Variants in TMPRSS6 observed in about 807,000 individuals in gnomAD.
TMPRSS6 encodes the protein transmembrane serine protease 6.
A neutral mutation model predicts 101.5 loss-of-function variants in TMPRSS6; 67 were observed. The ratio of observed to expected loss-of-function variants is 0.66; its 90% CI spans 0.54 to 0.81. TMPRSS6 has a LOEUF of 0.81. Among genes scored for constraint, TMPRSS6 ranks in the 30% least tolerant of loss-of-function variants. The probability of loss-of-function intolerance (pLI) is 0.00; values close to 1 mark genes in which losing one functional copy is unlikely to be tolerated. For missense variants in TMPRSS6, 1,034 were observed against 1,088.7 expected (o/e 0.95, Z 0.71); for synonymous variants, 453 against 464.9 (o/e 0.97, Z 0.33).
chr22:37,074,475 G>A, intron 12 of TMPRSS6, 135 bp downstream of exon 12: 1 of 855,038 alleles, frequency 1.2e-6, no homozygotes, highest in Non-Finnish European at 1.9e-6. Flanking sequence ...GGCACAGTGA[G>A]AGAACCCCAC....
In TMPRSS6 at chr22:37,070,890, G is replaced by A. The variant is rs111813777; in HGVS notation, c.1672+26C>T. Reference sequence around the variant, plus strand: ...GCACCCCCTCCCTCCCAAGCTCCAGGGCCCCGGCAGCCAGGCAGGGCTCAC... The same window carrying A: ...GCACCCCCTCCCTCCCAAGCTCCAGAGCCCCGGCAGCCAGGCAGGGCTCAC... On this transcript the variant is annotated intron_variant, in intron 14 of 17. Coordinates refer to ENST00000676104, the MANE Select transcript of TMPRSS6 (RefSeq NM_001374504.1). 4.2e-3 allele frequency: 6,702 copies of A among 1,607,050 alleles called. 210 individuals carry two copies. The African/African-American group carries it at 0.069, about 17-fold the overall frequency.
chr22:37,110,134 G>A (rs1213304832), upstream of TMPRSS6, among the ~76,000 whole-genome samples: 1 of 139,052 alleles, frequency 7.2e-6, no homozygotes, highest in Non-Finnish European at 1.5e-5. Context: ...TTCCTACCTC[G>A]TTCTTTTTTT....
chr22:37,086,485 A>G (rs1275759307), intron 7 of TMPRSS6, 66 bp from the exon 8 acceptor site: 41 of 1,271,818 alleles, frequency 3.2e-5, no homozygotes, highest in Non-Finnish European at 4.4e-5. Context: ...GGAGGGCGGC[A>G]GGCGGCTGCT....
At position 37,095,922 on chromosome 22, in the gene TMPRSS6, C is replaced by T. The variant is rs1260556794; in HGVS notation, c.573G>A (p.Glu191=). 2 of 1,614,126 alleles carry T rather than the reference C, an allele frequency of 1.2e-6. No individual in the cohort carries two copies. Among genetic ancestry groups the T allele is most frequent in the Non-Finnish European group, 1.7e-6 (2 of 1,180,000 alleles). ...AGTACTGACCCAGGATCACTAGGCC[C>T]TCGGGGTCCACTTCGTACTCGGCCC... ...PYRAEYEVDP[E]GLVILEASVK... Residue 191 remains glutamate, a synonymous_variant, in exon 5 of 18, where the codon GAG becomes GAA. Coordinates refer to ENST00000676104, the MANE Select transcript of TMPRSS6 (RefSeq NM_001374504.1).
In TMPRSS6 at chr22:37,069,864, C is replaced by G. The variant is rs564110343; in HGVS notation, c.1842-520G>C. 6.6e-6 allele frequency among the ~76,000 whole-genome samples: 1 copy of G among 152,278 alleles called. No individual in the cohort carries two copies. The highest frequency in any genetic ancestry group is 2.1e-4 in the South Asian group (1 of 4,822). The stretch of plus-strand genomic sequence containing the variant: ...TGGGCAGCCTTCGGGTCTCTACCCT[C>G]TACCTGAGGGCAGTGGGGAGCCTGA... On this transcript the variant is annotated intron_variant, in intron 15 of 17. Transcript: ENST00000676104. The surrounding 1 kb of genome is among the most constrained non-coding windows in gnomAD (Gnocchi z 4.8).
chr22:37,089,126 G>A (rs1195280061), intron 7 of TMPRSS6, among the ~76,000 whole-genome samples: 4 of 152,126 alleles, frequency 2.6e-5, no homozygotes, highest in African/African-American at 9.7e-5. Flanking sequence ...AGGCACGAGG[G>A]CCCGGCAGTG....
intron 13 of TMPRSS6, among the ~76,000 whole-genome samples, chr22:37,071,968 TGATGGATG>T (rs533682418): frequency 6.2e-5 from 9 of 145,232 alleles, no homozygotes; most frequent in Non-Finnish European, 9.0e-5. Flanking sequence ...GATGGATGGA[TGATGGATG>T]GATGGATGGA....
rs780878199 is a variant in TMPRSS6, at chr22:37,103,491, G to A, written c.-1-73C>T. ...GGAGCCTCTGCTGAGCACCGGTGGG[G>A]CACGGAAGCAGGACTTCCCTGCCTT... On this transcript the variant is annotated intron_variant, in intron 1 of 17. Coordinates refer to ENST00000676104, the MANE Select transcript of TMPRSS6 (RefSeq NM_001374504.1). This position sits in a 1 kb window ranked among gnomAD's most constrained non-coding sequence, Gnocchi z 4.4. 3.7e-6 allele frequency: 6 copies of A among 1,614,210 alleles called. No homozygotes were observed. Among genetic ancestry groups the A allele is most frequent in the Non-Finnish European group, 5.1e-6 (6 of 1,180,044 alleles).
rs749277509 is a variant in TMPRSS6, at chr22:37,089,662, C to A, written c.752G>T (p.Arg251Leu). The A allele has an allele frequency of 2.5e-6, 4 of 1,612,774 alleles. No individual in the cohort carries two copies. The highest frequency in any genetic ancestry group is 3.3e-5 in the Admixed American group (2 of 59,942). ...GCACTCTGCCAGCGTCCACTCCAGC[C>A]GGAGTTTGAGCATGAGGTCCTTGGG... Reference protein sequence around the residue: ...QGPKDLMLKLRLEWTLAECRD... With the variant: ...QGPKDLMLKLLLEWTLAECRD... The change falls in exon 7 of 18, where the codon CGG (arginine) becomes CTG (leucine). Residue 251 changes from arginine (R) to leucine (L), a missense_variant. Arg to Leu is a moderately radical substitution (Grantham distance 102, BLOSUM62 -2). Transcript: ENST00000676104.
intron 10 of TMPRSS6, among the ~76,000 whole-genome samples, chr22:37,078,953 A>AAG (rs1284725682): frequency 0.13 from 14,055 of 109,806 alleles, 1,255 homozygotes; most frequent in African/African-American, 0.2. Flanking sequence ...GAGAAGGAGA[A>AAG]AAAGAGAAAG....
At chr22:37,109,747 G>T (rs1354152395), upstream of TMPRSS6, among the ~76,000 whole-genome samples, 2 of 152,344 alleles carry the variant, frequency 1.3e-5, no homozygotes, top group African/African-American at 4.8e-5. Context: ...GTAGGAGAAG[G>T]CAGTGCCTGC....
At chr22:37,080,557 C>T (rs562522607) in intron 10 of TMPRSS6, among the ~76,000 whole-genome samples, 1 of 152,394 alleles carries the variant, frequency 6.6e-6, no homozygotes, top group South Asian at 2.1e-4. Flanking sequence ...CTAAGAATTT[C>T]TCAGCATCTA....
At chr22:37,070,892 C>G in intron 14 of TMPRSS6, 24 bp downstream of exon 14, 7 of 1,606,854 alleles carry the variant, frequency 4.4e-6, no homozygotes, top group Non-Finnish European at 6.0e-6. Flanking sequence ...AGCTCCAGGG[C>G]CCCGGCAGCC....
Position 37,098,568 on chromosome 22 carries a change from G to T in TMPRSS6, c.203-19C>A, listed in dbSNP as rs2146170235. 1 of 1,614,106 alleles carries T rather than the reference G, an allele frequency of 6.2e-7. No homozygotes were observed. Among genetic ancestry groups the T allele is most frequent in the Non-Finnish European group, 8.5e-7 (1 of 1,179,986 alleles). On this transcript the variant is annotated intron_variant, in intron 2 of 17. Transcript: ENST00000676104. Reference sequence around the variant, plus strand: ...TTGTACCCTGCCCAGGAAGGAACCAGCAGGGTTAGTGGAGGAAGCAGGTGG... The same window carrying T: ...TTGTACCCTGCCCAGGAAGGAACCATCAGGGTTAGTGGAGGAAGCAGGTGG...
At chr22:37,090,838 C>T (rs1053725884) in intron 6 of TMPRSS6, among the ~76,000 whole-genome samples, 3 of 152,142 alleles carry the variant, frequency 2.0e-5, no homozygotes, top group Non-Finnish European at 4.4e-5. Context: ...AAAGGCAGTG[C>T]CTGGTTCCTC....
Position 37,095,611 on chromosome 22 carries a change from C to T in TMPRSS6, c.590-19G>A. The T allele has an allele frequency of 7.3e-7, 1 of 1,376,768 alleles. No individual in the cohort carries two copies. The highest frequency in any genetic ancestry group is 9.8e-7 in the Non-Finnish European group (1 of 1,015,628). 85.3% of individuals were successfully genotyped at this position (1,376,768 alleles called of 1,614,324 possible). A position where few individuals can be genotyped will look rare whatever the true frequency, so the allele number is the denominator to read the frequency against. Reference sequence around the variant, plus strand: ...CTGGCTTCTGATAAAAGGAAATGAACAAACAAATAAACAAGAACAAAAAAA... The same window carrying T: ...CTGGCTTCTGATAAAAGGAAATGAATAAACAAATAAACAAGAACAAAAAAA... On this transcript the variant is annotated intron_variant, in intron 5 of 17. Coordinates refer to ENST00000676104, the MANE Select transcript of TMPRSS6 (RefSeq NM_001374504.1).
chr22:37,095,138 T>C (rs1021148932), intron 6 of TMPRSS6, among the ~76,000 whole-genome samples: 1 of 152,092 alleles, frequency 6.6e-6, no homozygotes, highest in African/African-American at 2.4e-5. Context: ...CACCGCTACC[T>C]CCAAAAGACC....
chr22:37,098,328 T>G lies in TMPRSS6; in HGVS notation c.336+88A>C, dbSNP rs1930000888. The G allele has an allele frequency of 1.1e-5, 18 of 1,597,640 alleles. No homozygotes were observed. In the South Asian group the frequency reaches 1.3e-4, roughly 12 times the overall value. Reference sequence around the variant, plus strand: ...GGTCCCTGTGAATGCTCCAGATGGGTTGACCAACTGGCTCCATGTGATCAG... The same window carrying G: ...GGTCCCTGTGAATGCTCCAGATGGGGTGACCAACTGGCTCCATGTGATCAG... On this transcript the variant is annotated intron_variant, in intron 3 of 17. Coordinates refer to ENST00000676104, the MANE Select transcript of TMPRSS6 (RefSeq NM_001374504.1).
intron 2 of TMPRSS6, among the ~76,000 whole-genome samples, chr22:37,099,031 G>C (rs975931754): frequency 1.3e-5 from 2 of 152,238 alleles, no homozygotes; most frequent in Non-Finnish European, 2.9e-5. Flanking sequence ...ACAGTGGTGG[G>C]TAAGAAAGGC....
Sources: gnomAD v4.1 joint callset for allele counts (sites outside exome capture counted in the v4.1 genomes callset) on GRCh38, gnomAD v4.1.1 for gene constraint, Gnocchi (gnomAD v3.1) non-coding constraint, MANE v1.5 for transcripts, NCBI Gene and HGNC (gene_info 2026-07-23, HGNC 2026-07-21) for gene names.